The following PDE9A variants were observed in gnomAD, a reference collection of about 807,000 sequenced individuals.
PDE9A encodes the protein phosphodiesterase 9A.
A neutral mutation model predicts 87.4 loss-of-function variants in PDE9A; 60 were observed. The observed-to-expected ratio is 0.69, with a 90% confidence interval of 0.56 to 0.85. The LOEUF (loss-of-function observed/expected upper bound fraction) is 0.85. Among genes scored for constraint, PDE9A ranks in the 40% least tolerant of loss-of-function variants. The pLI is 0.00. For synonymous variants in PDE9A, 272 were observed against 279.4 expected (o/e 0.97, Z 0.27); for missense variants, 665 against 779.0 (o/e 0.85, Z 1.74).
chr21:42,770,971 G>A (rs552267337), intron 18 of PDE9A, among the ~76,000 whole-genome samples, 173 bp downstream of exon 18: 46 of 152,356 alleles, frequency 3.0e-4, no homozygotes, highest in Middle Eastern at 6.8e-3. Context: ...TAGGGAATGC[G>A]ATGAGGGAAA....
intron 2 of PDE9A, among the ~76,000 whole-genome samples, chr21:42,686,926 C>G (rs1310057249): frequency 6.6e-6 from 1 of 152,190 alleles, no homozygotes; most frequent in East Asian, 1.9e-4. Flanking sequence ...CCACATCACC[C>G]CATAGGTGCC....
chr21:42,746,491 A>G (rs962544145), intron 8 of PDE9A, among the ~76,000 whole-genome samples: 2 of 152,100 alleles, frequency 1.3e-5, no homozygotes, highest in Non-Finnish European at 2.9e-5. Flanking sequence ...TGGTGCTCCC[A>G]TCCGTTCTGT....
At position 42,731,913 on chromosome 21, in the gene PDE9A, C is replaced by A. The variant is rs751806926; in HGVS notation, c.406C>A (p.Gln136Lys). 5.3e-5 allele frequency: 85 copies of A among 1,613,938 alleles called. No individual in the cohort carries two copies. The highest frequency in any genetic ancestry group is 7.0e-5 in the Non-Finnish European group (83 of 1,179,942). Residue 136 changes from glutamine (Q) to lysine (K), a missense_variant, in exon 5 of 20, where the codon CAG becomes AAG. Physicochemically the swap from Gln to Lys is moderately conservative, Grantham distance 53. Transcript: ENST00000291539. The stretch of plus-strand genomic sequence containing the variant: ...GGTAGAGCCCAGGCCCAGAGAGCCC[C>A]AGGGCTGCTACCAGGAAGGCCAGCG... ...GQVEPRPREP[Q>K]GCYQEGQRIP...
chr21:42,691,359 C>T (rs1179634014), intron 3 of PDE9A, among the ~76,000 whole-genome samples: 5 of 151,668 alleles, frequency 3.3e-5, no homozygotes, highest in Admixed American at 6.6e-5. Context: ...CCATCACCAT[C>T]CAAAGTCACC....
intron 10 of PDE9A, among the ~76,000 whole-genome samples, chr21:42,756,346 C>A (rs780583389): frequency 6.6e-6 from 1 of 152,236 alleles, no homozygotes; most frequent in African/African-American, 2.4e-5. Context: ...ACAGCCCACT[C>A]GGCCCCACAA....
intron 4 of PDE9A, among the ~76,000 whole-genome samples, chr21:42,716,737 T>A (rs2049953480): frequency 6.9e-6 from 1 of 145,708 alleles, no homozygotes; most frequent in South Asian, 2.2e-4. Flanking sequence ...TAATACAATA[T>A]TATAATTTCC....
chr21:42,771,631 C>T (rs1569284516), intron 18 of PDE9A, among the ~76,000 whole-genome samples: 1 of 152,242 alleles, frequency 6.6e-6, no homozygotes, highest in Non-Finnish European at 1.5e-5. Context: ...CCCGTCTTTT[C>T]TGCCTGGGCG....
At chr21:42,750,658 C>G (rs914676880) in intron 8 of PDE9A, among the ~76,000 whole-genome samples, 1 of 152,094 alleles carries the variant, frequency 6.6e-6, no homozygotes, top group Admixed American at 6.5e-5. Context: ...TCACTGCAAC[C>G]TCCGCCTCCT....
intron 4 of PDE9A, 139 bp from the exon 5 acceptor site, chr21:42,731,631 C>T (rs1381320419): frequency 2.1e-5 from 18 of 877,526 alleles, no homozygotes; most frequent in Non-Finnish European, 3.2e-5. Context: ...CCGTGCAGAC[C>T]CGCCGTGAGA....
chr21:42,751,184 C>T lies in PDE9A; in HGVS notation c.722C>T (p.Pro241Leu). 6.2e-7 allele frequency: 1 copy of T among 1,610,338 alleles called. No individual in the cohort carries two copies. The highest frequency in any genetic ancestry group is 8.5e-7 in the Non-Finnish European group (1 of 1,176,648). Residue 241 changes from proline to leucine, a missense_variant, in exon 9 of 20, where the codon CCC becomes CTC. Transcript: ENST00000291539. ...HKKLTPRRDV[P>L]TYPKYLLSPE... ...AAGTTGACTCCTCGACGCGATGTTC[C>T]CACTTACCCCAAGGTAAGATGAGAT...
intron 7 of PDE9A, among the ~76,000 whole-genome samples, chr21:42,736,932 G>C (rs770099963): frequency 4.6e-5 from 7 of 152,234 alleles, no homozygotes; most frequent in Non-Finnish European, 7.3e-5. Context: ...CACCTGTGCT[G>C]AGCCCCAGAG....
rs1287754974 is a variant in PDE9A at position 42,773,130 on chromosome 21, C to T, written c.1768+610C>T. Among the ~76,000 whole-genome samples the T allele has an allele frequency of 6.6e-5, 10 of 150,870 alleles. No homozygotes were observed. In the East Asian group the frequency reaches 8.0e-4, roughly 12 times the overall value. On this transcript the variant is annotated intron_variant, in intron 19 of 19. Coordinates refer to ENST00000291539, the MANE Select transcript of PDE9A (RefSeq NM_002606.3). Reference sequence around the variant, plus strand: ...TACAAAAATTAGCCAGGTGTTGTGGCGTGCACCTGTAGTCCCAGCTACTTG... The same window carrying T: ...TACAAAAATTAGCCAGGTGTTGTGGTGTGCACCTGTAGTCCCAGCTACTTG...
At position 42,728,267 on chromosome 21, in the gene PDE9A, G is replaced by A. The variant is rs935946147; in HGVS notation, c.263-3503G>A. 2.6e-5 allele frequency among the ~76,000 whole-genome samples: 4 copies of A among 152,174 alleles called. 2 individuals are homozygous for A. In the South Asian group the frequency reaches 8.3e-4, roughly 32 times the overall value. On this transcript the variant is annotated intron_variant, in intron 4 of 19. Coordinates refer to ENST00000291539, the MANE Select transcript of PDE9A (RefSeq NM_002606.3). ...AGCATCCTTGGATTTTGGCATCCTTGTGGGGAGTCCTGGAACCAATCCCTC... is the reference window on the plus strand; with the variant it reads ...AGCATCCTTGGATTTTGGCATCCTTATGGGGAGTCCTGGAACCAATCCCTC...
chr21:42,662,181 AT>A (rs2145836547), intron 1 of PDE9A, among the ~76,000 whole-genome samples: 1 of 152,212 alleles, frequency 6.6e-6, no homozygotes, highest in African/African-American at 2.4e-5. Context: ...CATGTCATGG[AT>A]TTAAGGCAGT....
At chr21:42,761,322 A>G (rs1213342091) in intron 13 of PDE9A, among the ~76,000 whole-genome samples, 4 of 152,258 alleles carry the variant, frequency 2.6e-5, no homozygotes, top group African/African-American at 9.6e-5. Flanking sequence ...GGGAAAGCAC[A>G]GGCAGGAGCC....
At chr21:42,687,471 T>G (rs1295501746) in intron 2 of PDE9A, among the ~76,000 whole-genome samples, 1 of 152,058 alleles carries the variant, frequency 6.6e-6, no homozygotes, top group Admixed American at 6.6e-5. Flanking sequence ...CCAAAACATG[T>G]GAGGTTGGAG....
chr21:42,690,706 C>T (rs1170861210), intron 3 of PDE9A, among the ~76,000 whole-genome samples: 3 of 152,202 alleles, frequency 2.0e-5, no homozygotes, highest in Middle Eastern at 3.4e-3. Flanking sequence ...CTCTCCCACA[C>T]GGCTGCCAGG....
Position 42,658,777 on chromosome 21 carries a change from C to A in PDE9A, c.69+4894C>A, listed in dbSNP as rs574088400. 4.6e-4 allele frequency among the ~76,000 whole-genome samples: 70 copies of A among 152,334 alleles called. 1 individual carries two copies. Among genetic ancestry groups the A allele is most frequent in the Admixed American group, 3.9e-3 (59 of 15,296 alleles). ...CTGTCTGCCTGTTACATGTTTGTAA[C>A]TTTTGACCTTTAAATTGGTATAAAA... On this transcript the variant is annotated intron_variant, in intron 1 of 19. Coordinates refer to ENST00000291539, the MANE Select transcript of PDE9A (RefSeq NM_002606.3).
chr21:42,706,059 G>A (rs1290628760), intron 4 of PDE9A, among the ~76,000 whole-genome samples: 5 of 152,212 alleles, frequency 3.3e-5, no homozygotes, highest in East Asian at 1.9e-4. Flanking sequence ...GCCGGCGGCC[G>A]GCAGGGTGGG....
Sources: gnomAD v4.1 joint callset for allele counts (sites outside exome capture counted in the v4.1 genomes callset) on GRCh38, gnomAD v4.1.1 for gene constraint, MANE v1.5 for transcripts, NCBI Gene and HGNC (gene_info 2026-07-23, HGNC 2026-07-21) for gene names.